Variants in SELENON observed in about 807,000 individuals in gnomAD.
SELENON encodes the protein selenoprotein N, 1.
SELENON carries 44 observed loss-of-function variants against 59.5 expected under a neutral mutation model. That is an observed-to-expected ratio of 0.74 (90% CI 0.58 to 0.95). The LOEUF is 0.95. Among genes scored for constraint, SELENON ranks in the 40% least tolerant of loss-of-function variants. The pLI, the probability that SELENON is intolerant of heterozygous loss-of-function variation, is 0.00. For missense variants in SELENON, 674 were observed against 721.4 expected, an observed-to-expected ratio of 0.93 and a Z score of 0.75; for synonymous variants, 320 against 305.6, an observed-to-expected ratio of 1.05 and a Z score of -0.49.
chr1:25,801,296 T>C, intron 2 of SELENON, 136 bp downstream of exon 2: 1 of 734,264 alleles, frequency 1.4e-6, no homozygotes, highest in Non-Finnish European at 2.5e-6. Context: ...CTCTGACACT[T>C]TGTAGCTGGT....
At position 25,808,675 on chromosome 1, in the gene SELENON, C is replaced by A. The variant is rs1386434021; in HGVS notation, c.633C>A (p.Pro211=). 6.2e-7 allele frequency: 1 copy of A among 1,614,146 alleles called. No individual in the cohort carries two copies. ...CCCGCCACTTCCAGCCCTTCCTTCC[C>A]CCGCCAGGCCAGGAGCTGGGTGAGC... Residue 211 remains proline (P), a synonymous_variant, in exon 5 of 13, where the codon CCC becomes CCA. Coordinates refer to ENST00000361547, the MANE Select transcript of SELENON (RefSeq NM_020451.3).
At chr1:25,814,274 C>T (rs2047992162) in intron 12 of SELENON, 96 bp downstream of exon 11, 3 of 903,148 alleles carry the variant, frequency 3.3e-6, no homozygotes, top group Non-Finnish European at 5.3e-6. Flanking sequence ...CATCAGGCTT[C>T]GGGACTGTCC....
chr1:25,802,415 G>A (rs765901541), intron 3 of SELENON, among the ~76,000 whole-genome samples: 1 of 152,200 alleles, frequency 6.6e-6, no homozygotes, highest in Admixed American at 6.5e-5. Flanking sequence ...GGAGTGCAGT[G>A]ACATAATCTC....
At position 25,809,068 on chromosome 1, in the gene SELENON, T is replaced by A; in HGVS notation, c.790T>A (p.Phe264Ile). ...CCTGAGCATGTTCCACCCTCGGCCC[T>A]TTGTGAAGACCCGCTTTGCCCCTCA... Residue 264 changes from phenylalanine to isoleucine, a missense_variant, in exon 6 of 13, where the codon TTT becomes ATT. Coordinates refer to ENST00000361547, the MANE Select transcript of SELENON (RefSeq NM_020451.3). The A allele has an allele frequency of 6.2e-7, 1 of 1,613,832 alleles. No individual in the cohort carries two copies. Among genetic ancestry groups the A allele is most frequent in the Non-Finnish European group, 8.5e-7 (1 of 1,180,030 alleles).
chr1:25,814,856 C>CCTACAGGATCTT (rs2047996932), intron 12 of SELENON, among the ~76,000 whole-genome samples: 1 of 152,070 alleles, frequency 6.6e-6, no homozygotes, highest in Non-Finnish European at 1.5e-5. Flanking sequence ...CCGGCTTCCT[C>CCTACAGGATCTT]AGGATCTTAG....
In SELENON at chr1:25,814,135, G is replaced by A. The variant is rs1306376099; in HGVS notation, c.1559G>A (p.Ser520Asn). Residue 520 changes from serine (S) to asparagine (N), a missense_variant, in exon 12 of 13, where the codon AGC becomes AAC. Transcript: ENST00000361547. Reference sequence around the variant, plus strand: ...GCTGGCCTGCACCTGGAGAAGTACAGCTTCCCCGTGGAGATGATGATCTGC... The same window carrying A: ...GCTGGCCTGCACCTGGAGAAGTACAACTTCCCCGTGGAGATGATGATCTGC... The A allele has an allele frequency of 6.2e-7, 1 of 1,614,206 alleles. No individual in the cohort carries two copies. Among genetic ancestry groups the A allele is most frequent in the African/African-American group, 1.3e-5 (1 of 75,054 alleles).
rs2047959221 is a variant in SELENON, at chr1:25,811,515, G to A, written c.1072G>A (p.Asp358Asn). The A allele has an allele frequency of 1.9e-6, 3 of 1,614,146 alleles. No individual in the cohort carries two copies. The Admixed American group carries it at 5.0e-5, about 27-fold the overall frequency. ...CAGTGAAAGCAGCAACATGGAGGTG[G>A]ACATCGGCTACATACCCCAGGTGAG... The change falls in exon 8 of 13, where the codon GAC (aspartate) becomes AAC (asparagine). Residue 358 changes from aspartate (D) to asparagine (N), a missense_variant. Coordinates refer to ENST00000361547, the MANE Select transcript of SELENON (RefSeq NM_020451.3).
At chr1:25,808,556 G>T in intron 4 of SELENON, 24 bp from the exon 4 acceptor site, 1 of 1,612,240 alleles carries the variant, frequency 6.2e-7, no homozygotes, top group Non-Finnish European at 8.5e-7. Context: ...CAGATTCCTG[G>T]AGCTTTGCTT....
At position 25,809,791 on chromosome 1, in the gene SELENON, C is replaced by G; in HGVS notation, c.981C>G (p.Arg327=). The stretch of plus-strand genomic sequence containing the variant: ...TCTCCAAAGACGCCACCCACGTCCG[C>G]GACTTCCGGCTCTTCGTGCCCAACC... Residue 327 remains arginine (R), a synonymous_variant, in exon 7 of 13, where the codon CGC becomes CGG. Coordinates refer to ENST00000361547, the MANE Select transcript of SELENON (RefSeq NM_020451.3). 1 of 1,613,998 alleles carries G rather than the reference C, an allele frequency of 6.2e-7. No homozygotes were observed. Among genetic ancestry groups the G allele is most frequent in the Non-Finnish European group, 8.5e-7 (1 of 1,180,016 alleles).
intron 7 of SELENON, among the ~76,000 whole-genome samples, chr1:25,810,038 CTCTGTG>C (rs1183517971): frequency 6.6e-6 from 1 of 152,138 alleles, no homozygotes; most frequent in Non-Finnish European, 1.5e-5. Context: ...GGCCCTCCAC[CTCTGTG>C]CCTGGGACCC....
At chr1:25,813,008 A>G (rs1198598396) in intron 10 of SELENON, among the ~76,000 whole-genome samples, 1 of 152,116 alleles carries the variant, frequency 6.6e-6, no homozygotes, top group Non-Finnish European at 1.5e-5. Context: ...ACTGGGTTCA[A>G]ACTCAGCCAT....
chr1:25,815,727 G>C lies in SELENON; in HGVS notation c.*9G>C. 1.2e-6 allele frequency: 2 copies of C among 1,613,396 alleles called. No homozygotes were observed. Among genetic ancestry groups the C allele is most frequent in the East Asian group, 4.5e-5 (2 of 44,886 alleles). On this transcript the variant is annotated 3_prime_UTR_variant, in exon 13 of 13. Transcript: ENST00000361547. ...CCCTCCTCCAGCCCTAGAGTGCCTG[G>C]ACGGGATCTGATGCACAGGCCCCCA...
intron 3 of SELENON, among the ~76,000 whole-genome samples, chr1:25,803,509 A>G (rs1307543346): frequency 6.6e-6 from 1 of 152,146 alleles, no homozygotes; most frequent in Non-Finnish European, 1.5e-5. Flanking sequence ...AATGTTACTC[A>G]TAAGTCAGGA....
At chr1:25,812,587 ACACACACACACACACACACTTG>A in intron 9 of SELENON, 78 bp from the exon 9 acceptor site, 2 of 767,854 alleles carry the variant, frequency 2.6e-6, no homozygotes, top group South Asian at 1.5e-5. Context: ...ACACACACAC[ACACACACACACACACACACTTG>A]CACACACTAC....
At position 25,815,570 on chromosome 1, in the gene SELENON, AC is replaced by A; in HGVS notation, c.1626del (p.Phe543SerfsTer?). On this transcript the variant is annotated frameshift_variant, in exon 13 of 13. Coordinates refer to ENST00000361547, the MANE Select transcript of SELENON (RefSeq NM_020451.3). LOFTEE classifies it high-confidence loss of function. ...CAGGTCCATCACATCAATGCCAACTACTTCTTGGACATCACCTCCGTGAAGC... is the reference window on the plus strand; with the variant it reads ...CAGGTCCATCACATCAATGCCAACTATTCTTGGACATCACCTCCGTGAAGC... 6.2e-7 allele frequency: 1 copy of A among 1,614,064 alleles called. No individual in the cohort carries two copies. Among genetic ancestry groups the A allele is most frequent in the Non-Finnish European group, 8.5e-7 (1 of 1,180,000 alleles).
chr1:25,800,964 A>G, intron 1 of SELENON, 79 bp from the exon 2 acceptor site: 1 of 1,112,504 alleles, frequency 9.0e-7, no homozygotes, highest in Non-Finnish European at 1.4e-6. Context: ...AAGGGGCTCC[A>G]TGCGGAAGCA....
chr1:25,815,660 C>T lies in SELENON; in HGVS notation c.1715C>T (p.Thr572Ile). 2 of 1,614,204 alleles carry T rather than the reference C, an allele frequency of 1.2e-6. No homozygotes were observed. Among genetic ancestry groups the T allele is most frequent in the Non-Finnish European group, 1.7e-6 (2 of 1,180,042 alleles). ...ACCTTTGAAGACCCGTCCACGGCCA[C>T]CTACATGCAGTTCCTGAAGGAGGGA... The change falls in exon 13 of 13, where the codon ACC becomes ATC. Residue 572 changes from threonine (T) to isoleucine (I), a missense_variant. By Grantham distance (89) the Thr-to-Ile change is moderately conservative. Transcript: ENST00000361547.
At chr1:25,802,584 G>A (rs1438561807) in intron 3 of SELENON, among the ~76,000 whole-genome samples, 1 of 152,038 alleles carries the variant, frequency 6.6e-6, no homozygotes, top group Non-Finnish European at 1.5e-5. Context: ...TCGAACTCCT[G>A]ACCTCAAGAG....
intron 9 of SELENON, among the ~76,000 whole-genome samples, chr1:25,812,365 AAATAAT>A (rs749667268): frequency 6.6e-6 from 1 of 151,926 alleles, no homozygotes; most frequent in African/African-American, 2.4e-5. Flanking sequence ...AAATAAATGA[AAATAAT>A]AATAATAAAT....
Sources: allele counts gnomAD v4.1 joint callset (sites outside exome capture counted in the v4.1 genomes callset), GRCh38; gene constraint gnomAD v4.1.1; transcripts MANE v1.5; gene names NCBI Gene and HGNC (gene_info 2026-07-23, HGNC 2026-07-21).